ZNF638: variants seen among roughly 807,000 people sequenced by gnomAD.
ZNF638 encodes the protein CTCL tumor antigen se33-1.
ZNF638 carries 46 observed loss-of-function variants against 195.6 expected under a neutral mutation model. The ratio of observed to expected loss-of-function variants is 0.24; its 90% CI spans 0.19 to 0.30. The LOEUF (loss-of-function observed/expected upper bound fraction) is 0.30, where lower values mean the gene tolerates loss of function less well. ZNF638 is among the 10% of genes least tolerant of loss of function. The pLI is 1.00. For synonymous variants in ZNF638, 845 were observed against 772.0 expected, an observed-to-expected ratio of 1.09 and a Z score of -1.57; for missense variants, 2,440 against 2,325.3, an observed-to-expected ratio of 1.05 and a Z score of -1.01.
chr2:71,365,003 A>G (rs562258846), intron 5 of ZNF638, among the ~76,000 whole-genome samples: 10 of 152,222 alleles, frequency 6.6e-5, no homozygotes, highest in Non-Finnish European at 1.5e-4. Context: ...TACACATTTC[A>G]CTAATTTTGT....
At chr2:71,362,613 A>G (rs2542509) in intron 3 of ZNF638, among the ~76,000 whole-genome samples, 54,958 of 152,042 alleles carry the variant, frequency 0.36, 11,519 homozygotes, top group African/African-American at 0.57. Context: ...TTTGCCTCCA[A>G]TCTTAGTTTA....
chr2:71,337,202 A>G (rs960609082), intron 1 of ZNF638, among the ~76,000 whole-genome samples: 4 of 151,902 alleles, frequency 2.6e-5, no homozygotes, highest in Non-Finnish European at 5.9e-5. Context: ...TGGACATGAA[A>G]TGTTGTGCCA....
intron 1 of ZNF638, among the ~76,000 whole-genome samples, chr2:71,336,702 C>G (rs565114914): frequency 1.3e-5 from 2 of 152,108 alleles, no homozygotes; most frequent in East Asian, 3.9e-4. Context: ...CTCCGGGTAA[C>G]ATTGTTAGCA....
chr2:71,365,462 G>C lies in ZNF638; in HGVS notation c.1751G>C (p.Arg584Pro), dbSNP rs776582492. 1.1e-5 allele frequency: 18 copies of C among 1,612,090 alleles called. No homozygotes were observed. Among genetic ancestry groups the C allele is most frequent in the Non-Finnish European group, 1.5e-5 (18 of 1,179,154 alleles). The change falls in exon 6 of 28, where the codon CGA (arginine) becomes CCA (proline). Residue 584 changes from arginine to proline, a missense_variant. Around this residue, in one of 5 missense-constraint regions of ZNF638, gnomAD observed 1,883 missense variants for 1,739.1 expected, o/e 1.08. Transcript: ENST00000264447. ...AAAGCATTAGAAGATGTAGTACAAC[G>C]ATCTGGGCATGGGACAGAATTTAAT... ...RKKALEDVVQRSGHGTEFNKQ... is the reference protein window; with the variant it reads ...RKKALEDVVQPSGHGTEFNKQ...
intron 26 of ZNF638, among the ~76,000 whole-genome samples, chr2:71,432,693 C>T (rs112176391): frequency 3.3e-5 from 5 of 150,578 alleles, no homozygotes; most frequent in African/African-American, 9.8e-5. Flanking sequence ...TAAAGACTTA[C>T]GTTTTCTGAT....
At position 71,348,787 on chromosome 2, in the gene ZNF638, G is replaced by C; in HGVS notation, c.-168G>C. 1 of 1,558,102 alleles carries C rather than the reference G, an allele frequency of 6.4e-7. No individual in the cohort carries two copies. The highest frequency in any genetic ancestry group is 8.6e-7 in the Non-Finnish European group (1 of 1,156,624). ...ATTCTTGGAAAATTTCGCACCACTT[G>C]TGAATTCCTTGAACCTGGGCATTGC... On this transcript the variant is annotated 5_prime_UTR_variant, in exon 2 of 28. Transcript: ENST00000264447.
chr2:71,333,592 T>G (rs1302649545), intron 1 of ZNF638, among the ~76,000 whole-genome samples: 1 of 152,230 alleles, frequency 6.6e-6, no homozygotes, highest in African/African-American at 2.4e-5. Flanking sequence ...TGCTCTTAAG[T>G]AGGTGATCTC....
At chr2:71,411,423 G>A (rs763092807) in intron 20 of ZNF638, among the ~76,000 whole-genome samples, 80 of 145,584 alleles carry the variant, frequency 5.5e-4, no homozygotes, top group Non-Finnish European at 1.0e-3. Flanking sequence ...TTCTGAGGAT[G>A]TTCTTTTGAG....
At chr2:71,433,402 C>T in intron 27 of ZNF638, 119 bp downstream of exon 27, 1 of 697,132 alleles carries the variant, frequency 1.4e-6, no homozygotes, top group Non-Finnish European at 2.4e-6. Flanking sequence ...CCAGTTTATT[C>T]CTCTTAAGTC....
In ZNF638 at chr2:71,426,485, A is replaced by C. The variant is rs778282955; in HGVS notation, c.4616A>C (p.Asp1539Ala). The stretch of plus-strand genomic sequence containing the variant: ...GAGCCATTATTTCCATTTAATTTGG[A>C]TGAATTTGTTACTGTGGATGAGGTT... ...KEEPLFPFNL[D>A]EFVTVDEVIE... The change falls in exon 24 of 28, where the codon GAT becomes GCT. Residue 1539 changes from aspartate to alanine, a missense_variant. Physicochemically the swap from Asp to Ala is moderately radical, Grantham distance 126. Transcript: ENST00000264447. 6.3e-7 allele frequency: 1 copy of C among 1,574,966 alleles called. No individual in the cohort carries two copies. The highest frequency in any genetic ancestry group is 1.4e-5 in the African/African-American group (1 of 72,768).
chr2:71,382,818 G>A (rs779184579), intron 10 of ZNF638, among the ~76,000 whole-genome samples: 5 of 152,276 alleles, frequency 3.3e-5, no homozygotes, highest in Non-Finnish European at 5.9e-5. Context: ...GGTGATGCAG[G>A]ATTAGTTTGT....
At chr2:71,353,540 G>A (rs547988629) in intron 2 of ZNF638, among the ~76,000 whole-genome samples, 62 of 152,316 alleles carry the variant, frequency 4.1e-4, no homozygotes, top group Non-Finnish European at 7.6e-4. Context: ...GAGTCTAGAA[G>A]TTGGGGTGGG....
At chr2:71,334,965 A>AAGGGTTTTGGTTTGAAAAGAAAGTCC (rs1227536939) in intron 1 of ZNF638, among the ~76,000 whole-genome samples, 1 of 152,010 alleles carries the variant, frequency 6.6e-6, no homozygotes, top group Non-Finnish European at 1.5e-5. Context: ...TAAGAATAAT[A>AAGGGTTTTGGTTTGAAAAGAAAGTCC]AGGGTTTTGG....
In ZNF638 at chr2:71,398,731, TAA is replaced by T; in HGVS notation, c.2460_2461del (p.Thr821GlyfsTer4). ...TCAGCAAGTTCTGTAAAATCTGTGGTAACGGTAGCTGTTAAAGGTAATAAAGC... is the reference window on the plus strand; with the variant it reads ...TCAGCAAGTTCTGTAAAATCTGTGGTCGGTAGCTGTTAAAGGTAATAAAGC... On this transcript the variant is annotated frameshift_variant, in exon 12 of 28. Transcript: ENST00000264447. LOFTEE classifies it high-confidence loss of function. 1 of 1,613,464 alleles carries T rather than the reference TAA, an allele frequency of 6.2e-7. No homozygotes were observed. The highest frequency in any genetic ancestry group is 8.5e-7 in the Non-Finnish European group (1 of 1,179,558).
intron 10 of ZNF638, among the ~76,000 whole-genome samples, chr2:71,387,677 A>G (rs1212810622): frequency 6.6e-6 from 1 of 152,120 alleles, no homozygotes; most frequent in Non-Finnish European, 1.5e-5. Context: ...AAAAAAAAGT[A>G]AAAGTGCTTA....
At chr2:71,368,187 C>CT (rs1302159506) in intron 6 of ZNF638, among the ~76,000 whole-genome samples, 195 bp from the exon 7 acceptor site, 5 of 151,928 alleles carry the variant, frequency 3.3e-5, no homozygotes, top group Non-Finnish European at 5.9e-5. Context: ...CATTTAAAAT[C>CT]TTATTAAAGT....
At chr2:71,361,770 T>TA (rs761411968) in intron 3 of ZNF638, 6 of 152,226 alleles carry the variant, frequency 3.9e-5, no homozygotes, top group Non-Finnish European at 7.3e-5. Context: ...GGTTAGAACT[T>TA]ACCACTGGCT....
In ZNF638 at chr2:71,376,398, G is replaced by GTTTGT. The variant is rs1553474054; in HGVS notation, c.2266-3822_2266-3821insTGTTT. 6 of 151,286 alleles carry GTTTGT rather than the reference G, an allele frequency of 4.0e-5. No individual in the cohort carries two copies. The South Asian group carries it at 1.3e-3, about 32-fold the overall frequency. The allele number at this position is 151,286 out of a possible 1,614,324, so 9.4% of individuals were successfully genotyped here. ...AAGTATGTGGACAATTGTTTTTGTT[G>GTTTGT]TTGTTTGTTTGTTTGTTTTGTTTTG... is the stretch of plus-strand genomic sequence containing the variant. On this transcript the variant is annotated intron_variant, in intron 8 of 27. Coordinates refer to ENST00000264447, the MANE Select transcript of ZNF638 (RefSeq NM_014497.5).
chr2:71,384,097 C>T lies in ZNF638; in HGVS notation c.2377+3532C>T, dbSNP rs146247327. Among the ~76,000 whole-genome samples, 882 of 152,230 alleles carry T rather than the reference C, an allele frequency of 5.8e-3. 6 individuals are homozygous for T. Among genetic ancestry groups the T allele is most frequent in the Non-Finnish European group, 9.7e-3 (661 of 68,020 alleles). On this transcript the variant is annotated intron_variant, in intron 10 of 27. Coordinates refer to ENST00000264447, the MANE Select transcript of ZNF638 (RefSeq NM_014497.5). The stretch of plus-strand genomic sequence containing the variant: ...AACATAATTCAGATTTAGATAACAT[C>T]CTTCCCCTTTTCAGCCAATCAGTGG...
Sources: gnomAD v4.1 joint callset for allele counts (sites outside exome capture counted in the v4.1 genomes callset) on GRCh38, gnomAD v4.1.1 for gene constraint, gnomAD v4.1.1 regional missense constraint, MANE v1.5 for transcripts, NCBI Gene and HGNC (gene_info 2026-07-23, HGNC 2026-07-21) for gene names.